Variants in POM121 observed in about 807,000 individuals in gnomAD.
The protein encoded by POM121 is nuclear envelope pore membrane protein POM 121.
POM121 carries 32 observed loss-of-function variants against 81.3 expected under a neutral mutation model. The observed-to-expected ratio is 0.39, with a 90% CI of 0.30 to 0.53. The LOEUF (loss-of-function observed/expected upper bound fraction) is 0.53, where lower values mean the gene tolerates loss of function less well. POM121 is among the 20% of genes least tolerant of loss of function. The pLI, the probability that POM121 is intolerant of heterozygous loss-of-function variation, is 0.66. For missense variants in POM121, 1,138 were observed against 1,614.6 expected (o/e 0.70, Z 5.06); for synonymous variants, 514 against 694.2 (o/e 0.74, Z 4.08).
Position 72,947,913 on chromosome 7 carries a change from C to T in POM121, c.*1679C>T. 4 of 1,025,926 alleles carry T rather than the reference C, an allele frequency of 3.9e-6. No homozygotes were observed. The highest frequency in any genetic ancestry group is 4.7e-6 in the Non-Finnish European group (4 of 853,182). The allele number at this position is 1,025,926 out of a possible 1,614,324, so 63.6% of individuals were successfully genotyped here. A position where few individuals can be genotyped will look rare whatever the true frequency, so the allele number is the denominator to read the frequency against. On this transcript the variant is annotated 3_prime_UTR_variant, in exon 13 of 13. Transcript: ENST00000434423. ...TGCTCCTTCCCACCCCTCAGAACAGCTCTGATCCTCGTTAATACCTGGCTG... is the reference window on the plus strand; with the variant it reads ...TGCTCCTTCCCACCCCTCAGAACAGTTCTGATCCTCGTTAATACCTGGCTG...
chr7:72,924,212 C>G (rs1399885139), upstream of POM121, among the ~76,000 whole-genome samples: 1 of 151,872 alleles, frequency 6.6e-6, no homozygotes, highest in Non-Finnish European at 1.5e-5. Context: ...TCCCAAAGTG[C>G]TGGGATTACA....
chr7:72,915,972 T>C (rs563561981), intron 4 of POM121, among the ~76,000 whole-genome samples: 14 of 152,216 alleles, frequency 9.2e-5, no homozygotes, highest in Non-Finnish European at 1.8e-4. Context: ...GCCTGGCCCT[T>C]TGCCCACTTT....
chr7:72,927,055 T>C, intron 3 of POM121, 92 bp downstream of exon 3: 1 of 1,596,590 alleles, frequency 6.3e-7, no homozygotes, highest in Non-Finnish European at 8.6e-7. Flanking sequence ...AGAGGCCATC[T>C]CCAGTTTATG....
intron 4 of POM121, among the ~76,000 whole-genome samples, chr7:72,929,537 G>C (rs1241275561): frequency 2.6e-5 from 4 of 151,982 alleles, no homozygotes; most frequent in African/African-American, 9.7e-5. Context: ...AAAATAGACC[G>C]TACTTGTTTA....
chr7:72,948,039 C>T lies in POM121; in HGVS notation c.*1805C>T. ...CTAGCAATCAAGCTTCTACCTGTAC[C>T]TTATGTAAGGTAGACCCTCCTAGTG... On this transcript the variant is annotated 3_prime_UTR_variant, in exon 13 of 13. Coordinates refer to ENST00000434423, the MANE Select transcript of POM121 (RefSeq NM_001387691.1). 1 of 1,213,550 alleles carries T rather than the reference C, an allele frequency of 8.2e-7. No homozygotes were observed. 75.2% of individuals were successfully genotyped at this position (1,213,550 alleles called of 1,614,324 possible). A position where few individuals can be genotyped will look rare whatever the true frequency, so the allele number is the denominator to read the frequency against.
intron 4 of POM121, among the ~76,000 whole-genome samples, chr7:72,917,792 G>A (rs1343135610): frequency 6.6e-6 from 1 of 152,178 alleles, no homozygotes; most frequent in Non-Finnish European, 1.5e-5. Context: ...GGGCCCGGGG[G>A]ACCACTACCA....
rs1554500421 is a variant in POM121 at position 72,939,855 on chromosome 7, A to G, written c.1450A>G (p.Thr484Ala). ...RESQGEKAADTTPRKKQNSNS... is the reference protein window; with the variant it reads ...RESQGEKAADATPRKKQNSNS... ...TTGATTTCTTTCTTTAGCTGCAGAT[A>G]CAACCCCAAGGAAGAAACAAAACTC... Residue 484 changes from threonine to alanine, a missense_variant, in exon 8 of 13, where the codon ACA (threonine) becomes GCA (alanine). Physicochemically the swap from Thr to Ala is moderately conservative, Grantham distance 58 (BLOSUM62 0). Coordinates refer to ENST00000434423, the MANE Select transcript of POM121 (RefSeq NM_001387691.1). 4 of 1,610,866 alleles carry G rather than the reference A, an allele frequency of 2.5e-6. No individual in the cohort carries two copies. In the South Asian group the frequency reaches 4.4e-5, roughly 18 times the overall value.
chr7:72,908,628 C>A (rs1330991429), intron 3 of POM121, among the ~76,000 whole-genome samples: 1 of 152,154 alleles, frequency 6.6e-6, no homozygotes, highest in Non-Finnish European at 1.5e-5. Flanking sequence ...TTATTTCCTC[C>A]CTTATCTGCA....
rs144308031 is a variant in POM121 at position 72,886,937 on chromosome 7, T to C, written c.-520-3690T>C. ...AACTTCTTGGATCTTGGGTTTATGG[T>C]GTCATCACTTGGGGGAACATTTTTA... is the stretch of plus-strand genomic sequence containing the variant. On this transcript the variant is annotated intron_variant, in intron 1 of 15. Coordinates refer to the POM121 transcript ENST00000395270. 5.6e-3 allele frequency among the ~76,000 whole-genome samples: 843 copies of C among 151,568 alleles called. 14 individuals carry two copies. Among genetic ancestry groups the C allele is most frequent in the Non-Finnish European group, 9.2e-3 (623 of 67,720 alleles).
chr7:72,902,110 A>C (rs1307260262), intron 3 of POM121, among the ~76,000 whole-genome samples: 1 of 147,636 alleles, frequency 6.8e-6, no homozygotes, highest in African/African-American at 2.5e-5. Flanking sequence ...GAAACTCATG[A>C]AAAAAAAAAC....
At chr7:72,926,623 T>A (rs1795474349) in intron 2 of POM121, 146 bp downstream of exon 2, 4 of 1,485,922 alleles carry the variant, frequency 2.7e-6, no homozygotes, top group Non-Finnish European at 3.6e-6. Flanking sequence ...TAAACCCTTT[T>A]GTTTTTCACT....
In POM121 at chr7:72,946,645, T is replaced by A; in HGVS notation, c.*411T>A. 1.0e-6 allele frequency: 1 copy of A among 997,664 alleles called. No homozygotes were observed. The highest frequency in any genetic ancestry group is 1.2e-6 in the Non-Finnish European group (1 of 837,982). The allele number at this position is 997,664 out of a possible 1,614,324, so 61.8% of individuals were successfully genotyped here. On this transcript the variant is annotated 3_prime_UTR_variant, in exon 13 of 13. Coordinates refer to ENST00000434423, the MANE Select transcript of POM121 (RefSeq NM_001387691.1). ...ATCGGTGGTGTGCACCTGATGGGAT[T>A]TGGGAAATGGGCTATCCGTAAAGCT...
downstream of POM121, chr7:72,949,355 C>T (rs782465721): frequency 1.2e-6 from 1 of 811,716 alleles, no homozygotes; most frequent in Non-Finnish European, 2.2e-6. Context: ...TAGTGGACCT[C>T]ACGATAGCGC....
intron 5 of POM121, among the ~76,000 whole-genome samples, chr7:72,934,767 C>A (rs1179738447): frequency 6.6e-6 from 1 of 152,076 alleles, no homozygotes; most frequent in Non-Finnish European, 1.5e-5. Context: ...TTTCTCTTAG[C>A]AACATTTATT....
chr7:72,949,717 G>A (rs1288346230), downstream of POM121: 5 of 732,604 alleles, frequency 6.8e-6, no homozygotes, highest in African/African-American at 7.0e-5. Flanking sequence ...CTTAGCTTGG[G>A]GCAAATACCG....
At chr7:72,893,606 G>A (rs1223233225) in intron 3 of POM121, among the ~76,000 whole-genome samples, 5 of 152,082 alleles carry the variant, frequency 3.3e-5, no homozygotes, top group Admixed American at 1.3e-4. Context: ...CGTAACATAC[G>A]ATTTACCGTC....
chr7:72,910,930 C>T (rs1188561166), intron 3 of POM121, among the ~76,000 whole-genome samples: 1 of 152,038 alleles, frequency 6.6e-6, no homozygotes, highest in Admixed American at 6.5e-5. Context: ...CAGCCCTTCT[C>T]TTCTCTACCT....
At chr7:72,902,093 CAA>C (rs1554492733) in intron 3 of POM121, among the ~76,000 whole-genome samples, 2 of 149,712 alleles carry the variant, frequency 1.3e-5, no homozygotes, top group African/African-American at 4.9e-5. Context: ...GCTTAGGCAA[CAA>C]GAGTGAAACT....
chr7:72,932,275 T>C (rs1475613654), intron 5 of POM121, among the ~76,000 whole-genome samples: 2 of 151,860 alleles, frequency 1.3e-5, no homozygotes, highest in Non-Finnish European at 2.9e-5. Flanking sequence ...TATCCTTTAT[T>C]GTTTTTTAAA....
Sources: allele counts gnomAD v4.1 joint callset (sites outside exome capture counted in the v4.1 genomes callset), GRCh38; gene constraint gnomAD v4.1.1; transcripts MANE v1.5; gene names NCBI Gene and HGNC (gene_info 2026-07-23, HGNC 2026-07-21).